Variants in MARCHF4 observed in about 807,000 individuals in gnomAD.
MARCHF4 encodes the protein E3 ubiquitin-protein ligase MARCHF4.
In MARCHF4, 14 loss-of-function variants were observed where a neutral mutation model predicts 43.9. The ratio of observed to expected loss-of-function variants is 0.32; its 90% CI spans 0.21 to 0.50. The LOEUF (loss-of-function observed/expected upper bound fraction) is 0.50, where lower values mean the gene tolerates loss of function less well. Among genes scored for constraint, MARCHF4 ranks in the 20% least tolerant of loss-of-function variants. The probability of loss-of-function intolerance (pLI) is 0.98; values close to 1 mark genes in which losing one functional copy is unlikely to be tolerated. For missense variants in MARCHF4, 468 were observed against 536.7 expected (o/e 0.87, Z 1.27); for synonymous variants, 226 against 213.3 (o/e 1.06, Z -0.52).
At chr2:216,263,484 GGAGAGAGAAAGAGAGAGA>G (rs1690779068) in intron 3 of MARCHF4, among the ~76,000 whole-genome samples, 13 of 99,220 alleles carry the variant, frequency 1.3e-4, no homozygotes, top group South Asian at 3.9e-4. Context: ...AGAGAAAGAA[GGAGAGAGAAAGAGAGAGA>G]GAGAGAGAGA....
chr2:216,277,820 T>C lies in MARCHF4; in HGVS notation c.717A>G (p.Ala239=). ...GGAAGAGGGAGCCCAGGATGGCGGC[T>C]GCAACCTGAACCTTCTCAATGACCG... The part of the protein sequence containing the change: ...SLTVIEKVQV[A]AAILGSLFLI... Residue 239 remains alanine (A), a synonymous_variant, in exon 3 of 4, where the codon GCA becomes GCG. Coordinates refer to ENST00000273067, the MANE Select transcript of MARCHF4 (RefSeq NM_020814.3). The C allele has an allele frequency of 6.2e-7, 1 of 1,614,038 alleles. No homozygotes were observed. Among genetic ancestry groups the C allele is most frequent in the Non-Finnish European group, 8.5e-7 (1 of 1,179,898 alleles).
intron 1 of MARCHF4, among the ~76,000 whole-genome samples, chr2:216,297,319 G>A (rs1020341385): frequency 2.6e-5 from 4 of 152,190 alleles, no homozygotes; most frequent in African/African-American, 7.2e-5. Context: ...ATGGAAGGGA[G>A]CTCTGGGGTC....
intron 3 of MARCHF4, among the ~76,000 whole-genome samples, chr2:216,263,710 T>C (rs966156231): frequency 6.6e-6 from 1 of 151,646 alleles, no homozygotes; most frequent in Non-Finnish European, 1.5e-5. Context: ...AGACACAGTG[T>C]GTGTGGGGGA....
chr2:216,344,374 C>T (rs748463317), intron 1 of MARCHF4, among the ~76,000 whole-genome samples: 42 of 152,056 alleles, frequency 2.8e-4, no homozygotes, highest in Non-Finnish European at 1.8e-4. Flanking sequence ...AGGAGAACGC[C>T]GGCTGCCTCT....
At chr2:216,308,748 A>G (rs1046171095) in intron 1 of MARCHF4, among the ~76,000 whole-genome samples, 1 of 152,180 alleles carries the variant, frequency 6.6e-6, no homozygotes, top group African/African-American at 2.4e-5. Flanking sequence ...AGACAGTTAT[A>G]TATCATTCAT....
In MARCHF4 at chr2:216,304,476, G is replaced by A. The variant is rs866456539; in HGVS notation, c.517-20747C>T. Reference sequence around the variant, plus strand: ...GAAAGAGAAGCTGTTTGTAATGACCGAGGACAAATTGAATGGTTTCCCTCA... The same window carrying A: ...GAAAGAGAAGCTGTTTGTAATGACCAAGGACAAATTGAATGGTTTCCCTCA... On this transcript the variant is annotated intron_variant, in intron 1 of 3. Coordinates refer to ENST00000273067, the MANE Select transcript of MARCHF4 (RefSeq NM_020814.3). Among the ~76,000 whole-genome samples, 25 of 152,232 alleles carry A rather than the reference G, an allele frequency of 1.6e-4. No individual in the cohort carries two copies. The South Asian group carries it at 4.1e-3, about 25-fold the overall frequency.
At chr2:216,307,569 A>G (rs184527772) in intron 1 of MARCHF4, among the ~76,000 whole-genome samples, 1 of 152,196 alleles carries the variant, frequency 6.6e-6, no homozygotes, top group African/African-American at 2.4e-5. Context: ...CTTTTCTCCA[A>G]AGGTATCCTA....
chr2:216,316,571 G>T (rs1299803604), intron 1 of MARCHF4, among the ~76,000 whole-genome samples: 1 of 152,098 alleles, frequency 6.6e-6, no homozygotes, highest in East Asian at 1.9e-4. Context: ...CGGGAGAGGG[G>T]TGCGGGGACA....
chr2:216,353,331 A>T (rs1692430109), intron 1 of MARCHF4, among the ~76,000 whole-genome samples: 1 of 152,230 alleles, frequency 6.6e-6, no homozygotes, highest in African/African-American at 2.4e-5. Flanking sequence ...ACATTCTGGT[A>T]AATTAGTCCT....
intron 1 of MARCHF4, among the ~76,000 whole-genome samples, chr2:216,367,095 A>G (rs151273349): frequency 6.6e-5 from 10 of 152,260 alleles, no homozygotes; most frequent in Non-Finnish European, 1.2e-4. Flanking sequence ...TTTAGCCCCT[A>G]TAGCAGTAGT....
intron 1 of MARCHF4, among the ~76,000 whole-genome samples, chr2:216,319,517 G>A (rs1470446521): frequency 6.6e-6 from 1 of 152,140 alleles, no homozygotes; most frequent in Admixed American, 6.5e-5. Context: ...GGCCCTACCT[G>A]AAGCAAGTCA....
At chr2:216,305,294 G>A (rs935280491) in intron 1 of MARCHF4, among the ~76,000 whole-genome samples, 9 of 152,144 alleles carry the variant, frequency 5.9e-5, no homozygotes, top group African/African-American at 9.7e-5. Flanking sequence ...GGAGATAGGT[G>A]GGTATAAGTT....
In MARCHF4 at chr2:216,332,219, T is replaced by A. The variant is rs146713470; in HGVS notation, c.516+37526A>T. On this transcript the variant is annotated intron_variant, in intron 1 of 3. Coordinates refer to ENST00000273067, the MANE Select transcript of MARCHF4 (RefSeq NM_020814.3). ...CAGCCTGGGCAACATGGCAAAACCCTGTCTCTATTAAAAATACAAAGAATT... is the reference window on the plus strand; with the variant it reads ...CAGCCTGGGCAACATGGCAAAACCCAGTCTCTATTAAAAATACAAAGAATT... 2.8e-3 allele frequency among the ~76,000 whole-genome samples: 421 copies of A among 151,960 alleles called. 2 individuals are homozygous for A. Among genetic ancestry groups the A allele is most frequent in the African/African-American group, 9.7e-3 (404 of 41,458 alleles).
chr2:216,283,470 T>C, intron 2 of MARCHF4, 104 bp downstream of exon 2: 1 of 1,394,856 alleles, frequency 7.2e-7, no homozygotes, highest in Admixed American at 2.2e-5. Flanking sequence ...CTTCTTCCTT[T>C]TCCTCAAACT....
At chr2:216,332,960 C>A (rs1692102935) in intron 1 of MARCHF4, among the ~76,000 whole-genome samples, 1 of 152,124 alleles carries the variant, frequency 6.6e-6, no homozygotes, top group African/African-American at 2.4e-5. Context: ...ATTGCATATC[C>A]ATACCAAAAA....
At chr2:216,337,773 C>T (rs1692180007) in intron 1 of MARCHF4, among the ~76,000 whole-genome samples, 1 of 152,136 alleles carries the variant, frequency 6.6e-6, no homozygotes, top group South Asian at 2.1e-4. Flanking sequence ...GAAATTCATA[C>T]CCCACGAACT....
chr2:216,312,944 A>G (rs1169896854), intron 1 of MARCHF4, among the ~76,000 whole-genome samples: 1 of 151,992 alleles, frequency 6.6e-6, no homozygotes, highest in Non-Finnish European at 1.5e-5. Context: ...TCTTCATTGT[A>G]AATTCTCTGC....
chr2:216,288,312 T>C (rs1691249742), intron 1 of MARCHF4, among the ~76,000 whole-genome samples: 1 of 152,236 alleles, frequency 6.6e-6, no homozygotes, highest in African/African-American at 2.4e-5. Flanking sequence ...ACACAGTGCA[T>C]GGCACAAGTA....
At chr2:216,278,159 G>C (rs866499667) in intron 2 of MARCHF4, among the ~76,000 whole-genome samples, 1 of 152,184 alleles carries the variant, frequency 6.6e-6, no homozygotes, top group Non-Finnish European at 1.5e-5. Flanking sequence ...CAGAGAAATG[G>C]AGGGAACAAT....
Sources: gnomAD v4.1 joint callset for allele counts (sites outside exome capture counted in the v4.1 genomes callset) on GRCh38, gnomAD v4.1.1 for gene constraint, MANE v1.5 for transcripts, NCBI Gene and HGNC (gene_info 2026-07-23, HGNC 2026-07-21) for gene names.